Variants in FASLG observed in about 807,000 individuals in gnomAD.
FASLG encodes Fas ligand, also known as tumor necrosis factor ligand superfamily member 6.
In FASLG, 9 loss-of-function variants were observed where a neutral mutation model predicts 24.6. That is an observed-to-expected ratio of 0.37 (90% CI 0.22 to 0.64). FASLG has a LOEUF of 0.64. Among genes scored for constraint, FASLG ranks in the 30% least tolerant of loss-of-function variants. The pLI is 0.64. For missense variants in FASLG, 306 were observed against 345.3 expected (o/e 0.89, Z 0.90); for synonymous variants, 130 against 135.5 (o/e 0.96, Z 0.28).
chr1:172,664,448 G>A lies in FASLG; in HGVS notation c.451+58G>A, dbSNP rs1352341999. ...GAAAGCTTTTGGCAAAAGGCAAAAT[G>A]GCTGCCTGGTTTCCATTACCAGGCT... On this transcript the variant is annotated intron_variant, in intron 3 of 3. Transcript: ENST00000367721. 4.5e-6 allele frequency: 7 copies of A among 1,558,818 alleles called. No homozygotes were observed. The African/African-American group carries it at 5.4e-5, about 12-fold the overall frequency.
intron 2 of FASLG, among the ~76,000 whole-genome samples, chr1:172,664,057 C>A (rs1268289756): frequency 6.6e-6 from 1 of 152,072 alleles, no homozygotes. Context: ...GACATGACAG[C>A]TCTTTATGAA....
At position 172,665,963 on chromosome 1, in the gene FASLG, T is replaced by C; in HGVS notation, c.793T>C (p.Ser265Pro). The change falls in exon 4 of 4, where the codon TCT (serine) becomes CCT (proline). Residue 265 changes from serine (S) to proline (P), a missense_variant. By Grantham distance (74) the Ser-to-Pro change is moderately conservative (BLOSUM62 -1). Transcript: ENST00000367721. ...TTTATATGTCAACGTATCTGAGCTC[T>C]CTCTGGTCAATTTTGAGGAATCTCA... ...DHLYVNVSEL[S>P]LVNFEESQTF... The C allele has an allele frequency of 6.2e-7, 1 of 1,614,076 alleles. No homozygotes were observed. Among genetic ancestry groups the C allele is most frequent in the Non-Finnish European group, 8.5e-7 (1 of 1,179,960 alleles).
At chr1:172,665,402 G>T (rs189535373) in intron 3 of FASLG, among the ~76,000 whole-genome samples, 1 of 152,246 alleles carries the variant, frequency 6.6e-6, no homozygotes, top group East Asian at 1.9e-4. Context: ...TGGATTACGG[G>T]TATATACTAT....
chr1:172,659,310 C>T lies in FASLG; in HGVS notation c.109C>T (p.Pro37Ser). The change falls in exon 1 of 4, where the codon CCC becomes TCC. Residue 37 changes from proline to serine, a missense_variant. Pro to Ser is a moderately conservative substitution (Grantham distance 74, BLOSUM62 -1). Transcript: ENST00000367721. ...AGTTCTTCCCTGTCCAACCTCTGTGCCCAGAAGGCCTGGTCAAAGGAGGCC... is the reference window on the plus strand; with the variant it reads ...AGTTCTTCCCTGTCCAACCTCTGTGTCCAGAAGGCCTGGTCAAAGGAGGCC... ...GTVLPCPTSV[P>S]RRPGQRRPPP... 3 of 1,614,054 alleles carry T rather than the reference C, an allele frequency of 1.9e-6. No homozygotes were observed. The highest frequency in any genetic ancestry group is 2.5e-6 in the Non-Finnish European group (3 of 1,180,016).
chr1:172,666,286 T>C lies in FASLG; in HGVS notation c.*270T>C. 1 of 469,468 alleles carries C rather than the reference T, an allele frequency of 2.1e-6. No individual in the cohort carries two copies. The highest frequency in any genetic ancestry group is 3.7e-5 in the East Asian group (1 of 26,684). 29.1% of individuals were successfully genotyped at this position (469,468 alleles called of 1,614,324 possible). A position where few individuals can be genotyped will look rare whatever the true frequency, so the allele number is the denominator to read the frequency against. On this transcript the variant is annotated 3_prime_UTR_variant, in exon 4 of 4. Transcript: ENST00000367721. ...AGCATGAAAAAGCAGCTACCAGGTG[T>C]TCTACACTCATCTTAGTGCCTGAGA... is the stretch of plus-strand genomic sequence containing the variant.
intron 2 of FASLG, among the ~76,000 whole-genome samples, chr1:172,662,435 A>T (rs1659162481): frequency 6.6e-6 from 1 of 152,232 alleles, no homozygotes; most frequent in Non-Finnish European, 1.5e-5. Context: ...ATTGAGGATG[A>T]GCCAGCCCAG....
chr1:172,665,690 G>C lies in FASLG; in HGVS notation c.520G>C (p.Val174Leu). 6.2e-7 allele frequency: 1 copy of C among 1,614,198 alleles called. No homozygotes were observed. Among genetic ancestry groups the C allele is most frequent in the Non-Finnish European group, 8.5e-7 (1 of 1,180,030 alleles). Residue 174 changes from valine (V) to leucine (L), a missense_variant, in exon 4 of 4, where the codon GTG becomes CTG. Coordinates refer to ENST00000367721, the MANE Select transcript of FASLG (RefSeq NM_000639.3). ...CTATGGAATTGTCCTGCTTTCTGGAGTGAAGTATAAGAAGGGTGGCCTTGT... is the reference window on the plus strand; with the variant it reads ...CTATGGAATTGTCCTGCTTTCTGGACTGAAGTATAAGAAGGGTGGCCTTGT... ...DTYGIVLLSG[V>L]KYKKGGLVIN...
rs2101810966 is a variant in FASLG at position 172,666,250 on chromosome 1, G to A, written c.*234G>A. On this transcript the variant is annotated 3_prime_UTR_variant, in exon 4 of 4. Coordinates refer to ENST00000367721, the MANE Select transcript of FASLG (RefSeq NM_000639.3). ...AACATAGAACTCTGGGCTGCCATGTGAAGAGGGAGAAGCATGAAAAAGCAG... is the reference window on the plus strand; with the variant it reads ...AACATAGAACTCTGGGCTGCCATGTAAAGAGGGAGAAGCATGAAAAAGCAG... The A allele has an allele frequency of 1.8e-6, 1 of 548,764 alleles. No individual in the cohort carries two copies. The highest frequency in any genetic ancestry group is 2.2e-5 in the South Asian group (1 of 45,098). The allele number at this position is 548,764 out of a possible 1,614,324, so 34.0% of individuals were successfully genotyped here.
rs1332293764 is a variant in FASLG at position 172,665,782 on chromosome 1, C to T, written c.612C>T (p.Asn204=). 2 of 1,613,956 alleles carry T rather than the reference C, an allele frequency of 1.2e-6. No homozygotes were observed. Among genetic ancestry groups the T allele is most frequent in the Admixed American group, 3.3e-5 (2 of 59,992 alleles). Residue 204 remains asparagine, a synonymous_variant, in exon 4 of 4, where the codon AAC becomes AAT. Transcript: ENST00000367721. Reference sequence around the variant, plus strand: ...ACTTCCGGGGTCAATCTTGCAACAACCTGCCCCTGAGCCACAAGGTCTACA... The same window carrying T: ...ACTTCCGGGGTCAATCTTGCAACAATCTGCCCCTGAGCCACAAGGTCTACA... ...KVYFRGQSCN[N]LPLSHKVYMR...
chr1:172,659,914 C>T (rs889414217), intron 1 of FASLG, among the ~76,000 whole-genome samples, 181 bp from the exon 2 acceptor site: 4 of 152,152 alleles, frequency 2.6e-5, no homozygotes, highest in South Asian at 4.1e-4. Flanking sequence ...AAAATTGGTA[C>T]GATTCCAAAT....
chr1:172,661,970 A>G (rs1659152511), intron 2 of FASLG, among the ~76,000 whole-genome samples: 1 of 152,120 alleles, frequency 6.6e-6, no homozygotes, highest in Non-Finnish European at 1.5e-5. Flanking sequence ...GTGCCCGAAG[A>G]TTTATATATA....
rs750792722 is a variant in FASLG, at chr1:172,659,333, G to GCCACCA, written c.141_146dup (p.Pro52_Pro53dup). On this transcript the variant is annotated inframe_insertion, in exon 1 of 4. Transcript: ENST00000367721. ...TGCCCAGAAGGCCTGGTCAAAGGAG[G>GCCACCA]CCACCACCACCACCGCCACCGCCAC... is the stretch of plus-strand genomic sequence containing the variant. The GCCACCA allele has an allele frequency of 1.2e-6, 2 of 1,613,192 alleles. No individual in the cohort carries two copies. Among genetic ancestry groups the GCCACCA allele is most frequent in the African/African-American group, 1.3e-5 (1 of 74,988 alleles).
chr1:172,665,534 A>G (rs1571333402), intron 3 of FASLG, 88 bp from the exon 4 acceptor site: 1 of 1,478,970 alleles, frequency 6.8e-7, no homozygotes, highest in African/African-American at 1.4e-5. Context: ...CATTTGTTGA[A>G]GGAAGGGCCC....
At position 172,659,247 on chromosome 1, in the gene FASLG, G is replaced by A; in HGVS notation, c.46G>A (p.Asp16Asn). Residue 16 changes from aspartate (D) to asparagine (N), a missense_variant, in exon 1 of 4, where the codon GAC (aspartate) becomes AAC (asparagine). By Grantham distance (23) the Asp-to-Asn change is conservative. Coordinates refer to ENST00000367721, the MANE Select transcript of FASLG (RefSeq NM_000639.3). ...CCCATATCCCCAGATCTACTGGGTG[G>A]ACAGCAGTGCCAGCTCTCCCTGGGC... ...NYPYPQIYWV[D>N]SSASSPWAPP... 6.2e-7 allele frequency: 1 copy of A among 1,614,168 alleles called. No individual in the cohort carries two copies. Among genetic ancestry groups the A allele is most frequent in the Non-Finnish European group, 8.5e-7 (1 of 1,180,014 alleles).
rs776079129 is a variant in FASLG, at chr1:172,665,759, T to C, written c.589T>C (p.Phe197Leu). The C allele has an allele frequency of 6.2e-7, 1 of 1,614,158 alleles. No homozygotes were observed. Among genetic ancestry groups the C allele is most frequent in the Admixed American group, 1.7e-5 (1 of 60,028 alleles). Residue 197 changes from phenylalanine (F) to leucine (L), a missense_variant, in exon 4 of 4, where the codon TTC (phenylalanine) becomes CTC (leucine). Coordinates refer to ENST00000367721, the MANE Select transcript of FASLG (RefSeq NM_000639.3). ...GLYFVYSKVY[F>L]RGQSCNNLPL... is the part of the protein sequence containing the mutation. ...GTACTTTGTATATTCCAAAGTATAC[T>C]TCCGGGGTCAATCTTGCAACAACCT...
At chr1:172,661,011 T>G (rs1300136071) in intron 2 of FASLG, among the ~76,000 whole-genome samples, 1 of 152,216 alleles carries the variant, frequency 6.6e-6, no homozygotes, top group Non-Finnish European at 1.5e-5. Flanking sequence ...AGAAACAAAA[T>G]ACCAGATGGA....
In FASLG at chr1:172,660,155, G is replaced by A. The variant is rs752132966; in HGVS notation, c.394+15G>A. On this transcript the variant is annotated intron_variant, in intron 2 of 3. Coordinates refer to ENST00000367721, the MANE Select transcript of FASLG (RefSeq NM_000639.3). ...GAAGCAAATAGGTGAGTCTTTTTTC[G>A]CATGTACATTGAGTTCCCAAAGATG... is the stretch of plus-strand genomic sequence containing the variant. The A allele has an allele frequency of 9.3e-6, 15 of 1,612,980 alleles. No individual in the cohort carries two copies. Among genetic ancestry groups the A allele is most frequent in the African/African-American group, 2.7e-5 (2 of 74,840 alleles).
intron 3 of FASLG, among the ~76,000 whole-genome samples, chr1:172,664,707 A>G (rs1220275492): frequency 2.0e-5 from 3 of 152,200 alleles, no homozygotes; most frequent in African/African-American, 7.2e-5. Flanking sequence ...GAGGTGAGAG[A>G]TGAGAAGGTG....
Position 172,659,649 on chromosome 1 carries a change from T to C in FASLG, c.348+100T>C, listed in dbSNP as rs1238243594. 2.0e-6 allele frequency: 3 copies of C among 1,476,458 alleles called. No homozygotes were observed. The African/African-American group carries it at 4.3e-5, about 21-fold the overall frequency. 91.5% of individuals were successfully genotyped at this position (1,476,458 alleles called of 1,614,324 possible). A position where few individuals can be genotyped will look rare whatever the true frequency, so the allele number is the denominator to read the frequency against. On this transcript the variant is annotated intron_variant, in intron 1 of 3. Coordinates refer to ENST00000367721, the MANE Select transcript of FASLG (RefSeq NM_000639.3). The stretch of plus-strand genomic sequence containing the variant: ...CAAAGTGCTTTTCAATCCTTTTTTT[T>C]TTTTTCTTAGAAATGGGTTGTTCTA...
Sources: allele counts gnomAD v4.1 joint callset (sites outside exome capture counted in the v4.1 genomes callset), GRCh38; gene constraint gnomAD v4.1.1; transcripts MANE v1.5; gene names NCBI Gene and HGNC (gene_info 2026-07-23, HGNC 2026-07-21).